Variants in ADAMTSL3 observed in about 807,000 individuals in gnomAD.
The protein encoded by ADAMTSL3 is ADAMTS-like protein 3.
A neutral mutation model predicts 201.7 loss-of-function variants in ADAMTSL3; 128 were observed. The observed-to-expected ratio is 0.63, with a 90% CI of 0.55 to 0.73. ADAMTSL3 has a LOEUF of 0.73. Among genes scored for constraint, ADAMTSL3 ranks in the 30% least tolerant of loss-of-function variants. The pLI is 0.00. For missense variants in ADAMTSL3, 1,990 were observed against 2,119.6 expected (o/e 0.94, Z 1.20); for synonymous variants, 738 against 748.4 (o/e 0.99, Z 0.23).
rs111709600 is a variant in ADAMTSL3, at chr15:83,795,263, G to A, written c.318-9387G>A. 2.2e-4 allele frequency among the ~76,000 whole-genome samples: 33 copies of A among 151,008 alleles called. No homozygotes were observed. The Middle Eastern group carries it at 0.014, about 62-fold the overall frequency. Reference sequence around the variant, plus strand: ...AACAACAACAACAACAACAGCAGCAGCAACAACAACAACAACAACAACAAC... The same window carrying A: ...AACAACAACAACAACAACAGCAGCAACAACAACAACAACAACAACAACAAC... On this transcript the variant is annotated intron_variant, in intron 4 of 29. Coordinates refer to ENST00000286744, the MANE Select transcript of ADAMTSL3 (RefSeq NM_207517.3).
chr15:83,764,754 C>T (rs2062864813), intron 3 of ADAMTSL3, among the ~76,000 whole-genome samples: 1 of 152,120 alleles, frequency 6.6e-6, no homozygotes, highest in African/African-American at 2.4e-5. Flanking sequence ...ACCCTGTCCA[C>T]TACCTTGGTA....
At chr15:83,778,038 T>A (rs1278846369) in intron 4 of ADAMTSL3, among the ~76,000 whole-genome samples, 1 of 152,120 alleles carries the variant, frequency 6.6e-6, no homozygotes, top group African/African-American at 2.4e-5. Flanking sequence ...GAAGACTGGC[T>A]TTCTGAAATA....
chr15:83,931,802 A>G (rs556590820), intron 17 of ADAMTSL3, among the ~76,000 whole-genome samples: 9 of 152,346 alleles, frequency 5.9e-5, no homozygotes, highest in African/African-American at 1.9e-4. Context: ...TTGAGGTCCC[A>G]AAGCAATTGT....
intron 7 of ADAMTSL3, among the ~76,000 whole-genome samples, chr15:83,854,717 CCTT>C (rs2064695493): frequency 6.6e-6 from 1 of 152,106 alleles, no homozygotes; most frequent in African/African-American, 2.4e-5. Context: ...TTCTATCATT[CCTT>C]CTTCACTCAT....
intron 4 of ADAMTSL3, among the ~76,000 whole-genome samples, chr15:83,776,629 A>G (rs1456282518): frequency 2.0e-5 from 3 of 152,260 alleles, no homozygotes; most frequent in Middle Eastern, 3.4e-3. Context: ...AGGCAGGAGA[A>G]TTGCTTGAAC....
At position 83,870,986 on chromosome 15, in the gene ADAMTSL3, A is replaced by C. The variant is rs1427227683; in HGVS notation, c.960+27A>C. The C allele has an allele frequency of 3.1e-6, 5 of 1,602,780 alleles. No homozygotes were observed. In the South Asian group the frequency reaches 5.7e-5, roughly 18 times the overall value. ...TAGGATGATCCTCTTCATAAACTTC[A>C]TGTACCTGAATCCCAGAACATCTTG... is the stretch of plus-strand genomic sequence containing the variant. On this transcript the variant is annotated intron_variant, in intron 9 of 29. Coordinates refer to ENST00000286744, the MANE Select transcript of ADAMTSL3 (RefSeq NM_207517.3).
intron 2 of ADAMTSL3, among the ~76,000 whole-genome samples, chr15:83,697,515 T>C (rs186065003): frequency 1.3e-5 from 2 of 152,340 alleles, no homozygotes; most frequent in East Asian, 3.9e-4. Context: ...AAATTGAGCC[T>C]CTCCTTGGCT....
intron 20 of ADAMTSL3, among the ~76,000 whole-genome samples, chr15:83,971,550 C>T (rs1370928244): frequency 8.4e-6 from 1 of 118,786 alleles, no homozygotes; most frequent in African/African-American, 3.5e-5. Flanking sequence ...GAGTGTGAGA[C>T]TCTGTCTCAA....
At chr15:83,724,688 C>A (rs367877535) in intron 3 of ADAMTSL3, among the ~76,000 whole-genome samples, 2 of 151,984 alleles carry the variant, frequency 1.3e-5, no homozygotes, top group South Asian at 2.1e-4. Context: ...ATCCCCACTT[C>A]CCCCACCGCC....
chr15:83,705,532 A>G (rs528440744), intron 3 of ADAMTSL3, among the ~76,000 whole-genome samples: 1 of 152,286 alleles, frequency 6.6e-6, no homozygotes, highest in East Asian at 1.9e-4. Context: ...GACCACAGGG[A>G]GTAGGACCCT....
chr15:83,898,145 A>G (rs975545867), intron 14 of ADAMTSL3, 140 bp downstream of exon 14: 17 of 941,192 alleles, frequency 1.8e-5, no homozygotes, highest in Non-Finnish European at 2.6e-5. Flanking sequence ...CTTCCCATCT[A>G]GATAAAGAAG....
chr15:83,685,738 T>C (rs1247449196), intron 2 of ADAMTSL3, among the ~76,000 whole-genome samples: 4 of 152,186 alleles, frequency 2.6e-5, no homozygotes, highest in African/African-American at 9.7e-5. Context: ...TCCCTCTTTC[T>C]CAAACGGAGA....
chr15:84,013,841 G>T (rs2141892078), intron 23 of ADAMTSL3, among the ~76,000 whole-genome samples: 1 of 152,256 alleles, frequency 6.6e-6, no homozygotes, highest in South Asian at 2.1e-4. Flanking sequence ...AAATTCCAAA[G>T]CCCAGCAAAA....
chr15:83,828,717 T>C (rs572299183), intron 6 of ADAMTSL3, among the ~76,000 whole-genome samples: 160 of 152,352 alleles, frequency 1.1e-3, no homozygotes, highest in Middle Eastern at 3.4e-3. Context: ...ACCTAATTTA[T>C]TGAGAGTTTT....
intron 9 of ADAMTSL3, among the ~76,000 whole-genome samples, chr15:83,872,598 C>CCACACA (rs149299146): frequency 0.035 from 1,638 of 46,504 alleles, 19 homozygotes; most frequent in Middle Eastern, 0.069. Context: ...AAAATATACA[C>CCACACA]CACACACACA....
intron 4 of ADAMTSL3, among the ~76,000 whole-genome samples, chr15:83,787,978 G>T (rs2063290730): frequency 6.6e-6 from 1 of 151,614 alleles, no homozygotes; most frequent in African/African-American, 2.4e-5. Context: ...CTATTATGAA[G>T]GTATATTATT....
At chr15:83,993,546 T>TC (rs1485571319) in intron 23 of ADAMTSL3, among the ~76,000 whole-genome samples, 1 of 152,230 alleles carries the variant, frequency 6.6e-6, no homozygotes, top group Non-Finnish European at 1.5e-5. Context: ...TAACACATAT[T>TC]CATAGCTTCT....
At chr15:83,968,923 C>T (rs564451919) in intron 19 of ADAMTSL3, among the ~76,000 whole-genome samples, 78 of 152,106 alleles carry the variant, frequency 5.1e-4, no homozygotes, top group African/African-American at 1.8e-3. Context: ...AAACACTGCA[C>T]GTTCTCACTC....
intron 3 of ADAMTSL3, among the ~76,000 whole-genome samples, chr15:83,731,132 G>A (rs1041673722): frequency 1.6e-4 from 25 of 151,978 alleles, no homozygotes; most frequent in African/African-American, 5.3e-4. Flanking sequence ...ATTGGTTTAT[G>A]TGTTTGTTTT....
Sources: allele counts gnomAD v4.1 joint callset (sites outside exome capture counted in the v4.1 genomes callset), GRCh38; gene constraint gnomAD v4.1.1; transcripts MANE v1.5; gene names NCBI Gene and HGNC (gene_info 2026-07-23, HGNC 2026-07-21).